Variants in CROT observed in about 807,000 individuals in gnomAD.
CROT encodes carnitine O-octanoyltransferase.
CROT carries 84 observed loss-of-function variants against 89.2 expected under a neutral mutation model. The observed-to-expected ratio is 0.94, with a 90% CI of 0.79 to 1.13. The LOEUF (loss-of-function observed/expected upper bound fraction) is 1.13. Among genes scored for constraint, CROT ranks in the 50% most tolerant of loss-of-function variants. The probability of loss-of-function intolerance (pLI) is 0.00; values close to 1 mark genes in which losing one functional copy is unlikely to be tolerated. For missense variants in CROT, 711 were observed against 727.8 expected (o/e 0.98, Z 0.27); for synonymous variants, 212 against 239.5 (o/e 0.89, Z 1.06).
At chr7:87,369,046 A>G (rs1453986019) in intron 6 of CROT, among the ~76,000 whole-genome samples, 1 of 152,242 alleles carries the variant, frequency 6.6e-6, no homozygotes, top group African/African-American at 2.4e-5. Flanking sequence ...CTGTCCTCCA[A>G]GATTCCACTG....
chr7:87,345,705 C>A lies in CROT; in HGVS notation c.-175C>A. On this transcript the variant is annotated 5_prime_UTR_variant, in exon 1 of 18. Transcript: ENST00000331536. ...CTTTGAGGCCCAAGGGGGAGCGAGCCGGTGCTGCTGCAGGCTGAGGCTGCG... is the reference window on the plus strand; with the variant it reads ...CTTTGAGGCCCAAGGGGGAGCGAGCAGGTGCTGCTGCAGGCTGAGGCTGCG... 2.7e-6 allele frequency: 1 copy of A among 365,126 alleles called. No individual in the cohort carries two copies. The highest frequency in any genetic ancestry group is 4.9e-6 in the Non-Finnish European group (1 of 205,500). The allele number at this position is 365,126 out of a possible 1,614,324, so 22.6% of individuals were successfully genotyped here.
At chr7:87,382,682 CA>C in intron 13 of CROT, 139 bp downstream of exon 13, 9 of 781,294 alleles carry the variant, frequency 1.2e-5, no homozygotes, top group Non-Finnish European at 1.8e-5. Context: ...GTACTTCCAT[CA>C]ATAGAGTATT....
At chr7:87,349,747 G>T (rs1805810406) in intron 3 of CROT, among the ~76,000 whole-genome samples, 1 of 152,094 alleles carries the variant, frequency 6.6e-6, no homozygotes, top group Admixed American at 6.5e-5. Context: ...ATTTAAAATG[G>T]TGTTACTCTG....
In CROT at chr7:87,369,417, C is replaced by T. The variant is rs770540920; in HGVS notation, c.589C>T (p.Arg197Ter). 1.7e-5 allele frequency: 28 copies of T among 1,612,798 alleles called. No homozygotes were observed. Among genetic ancestry groups the T allele is most frequent in the South Asian group, 3.3e-5 (3 of 90,986 alleles). Residue 197 changes from arginine to a stop codon, truncating the protein, a stop_gained, in exon 7 of 18, where the codon CGA becomes TGA. Coordinates refer to ENST00000331536, the MANE Select transcript of CROT (RefSeq NM_021151.4). LOFTEE classifies it high-confidence loss of function. ...RSPNHIVVLC[R>*]GRAFVFDVIH... is the part of the protein sequence containing the mutation. ...CCCAAACCACATTGTAGTGCTGTGT[C>T]GAGGCCGAGCTTTTGTCTTTGATGT...
chr7:87,359,453 C>A, intron 4 of CROT, 123 bp downstream of exon 4: 1 of 1,425,454 alleles, frequency 7.0e-7, no homozygotes, highest in South Asian at 1.6e-5. Context: ...TTTTCATAAT[C>A]CAAAAGAAGG....
At position 87,361,571 on chromosome 7, in the gene CROT, A is replaced by G. The variant is rs933755169; in HGVS notation, c.422A>G (p.Lys141Arg). 1 of 1,587,112 alleles carries G rather than the reference A, an allele frequency of 6.3e-7. No homozygotes were observed. Among genetic ancestry groups the G allele is most frequent in the Admixed American group, 1.9e-5 (1 of 53,168 alleles). Residue 141 changes from lysine to arginine, a missense_variant and splice_region_variant, in exon 5 of 18, where the codon AAA becomes AGA. Physicochemically the swap from Lys to Arg is conservative, Grantham distance 26. Coordinates refer to ENST00000331536, the MANE Select transcript of CROT (RefSeq NM_021151.4). ...TTGAACTACTGGCAGCTATTAAGAAAGTAAGGACACATGTGAATTTAGTGA... is the reference window on the plus strand; with the variant it reads ...TTGAACTACTGGCAGCTATTAAGAAGGTAAGGACACATGTGAATTTAGTGA... ...HNLNYWQLLR[K>R]EKVPVHKVGN... is the part of the protein sequence containing the mutation.
At chr7:87,379,327 C>G (rs1398906895) in intron 10 of CROT, among the ~76,000 whole-genome samples, 2 of 152,170 alleles carry the variant, frequency 1.3e-5, no homozygotes, top group Non-Finnish European at 2.9e-5. Context: ...ATGTAACTTG[C>G]AGCTATACTT....
At chr7:87,349,595 G>C (rs1805807153) in intron 3 of CROT, among the ~76,000 whole-genome samples, 1 of 152,120 alleles carries the variant, frequency 6.6e-6, no homozygotes, top group African/African-American at 2.4e-5. Context: ...TATTGTTATG[G>C]GTATTGAGAC....
intron 10 of CROT, among the ~76,000 whole-genome samples, chr7:87,380,616 A>G (rs948584874): frequency 2.6e-5 from 4 of 152,190 alleles, no homozygotes; most frequent in Admixed American, 2.6e-4. Flanking sequence ...GAAAGGTAAA[A>G]ATTATGTGAA....
Position 87,369,483 on chromosome 7 carries a change from A to T in CROT, c.655A>T (p.Arg219Ter), listed in dbSNP as rs778517148. The T allele has an allele frequency of 2.5e-6, 4 of 1,604,476 alleles. No homozygotes were observed. The highest frequency in any genetic ancestry group is 1.7e-5 in the Admixed American group (1 of 59,210). The change falls in exon 7 of 18, where the codon AGA (arginine) becomes TGA (stop). Residue 219 changes from arginine (R) to a stop codon, truncating the protein, a stop_gained and splice_region_variant. Coordinates refer to ENST00000331536, the MANE Select transcript of CROT (RefSeq NM_021151.4). LOFTEE classifies it high-confidence loss of function. ...TTTGGTCACCCCGCCAGAGCTTCTC[A>T]GGTTTTCAGACTACTTTCTTGAGTT... ...GCLVTPPELL[R>*]QLTYIHKKCH...
At position 87,359,332 on chromosome 7, in the gene CROT, T is replaced by C; in HGVS notation, c.240+2T>C. The C allele has an allele frequency of 6.3e-7, 1 of 1,591,534 alleles. No individual in the cohort carries two copies. Among genetic ancestry groups the C allele is most frequent in the African/African-American group, 1.3e-5 (1 of 74,188 alleles). On this transcript the variant is annotated splice_donor_variant, in intron 4 of 17. Coordinates refer to ENST00000331536, the MANE Select transcript of CROT (RefSeq NM_021151.4). LOFTEE classifies it high-confidence loss of function. ...AGAGCAAAAGGAAAAAGAAATTGGG[T>C]ATTTGTTGTTATAATTGAATAATGA...
At chr7:87,390,266 T>A (rs1275068123) in intron 13 of CROT, among the ~76,000 whole-genome samples, 1 of 152,176 alleles carries the variant, frequency 6.6e-6, no homozygotes, top group Non-Finnish European at 1.5e-5. Context: ...TAAGAGTGTG[T>A]TTACTTGTCA....
intron 6 of CROT, 35 bp downstream of exon 6, chr7:87,361,887 G>T (rs1262458914): frequency 6.5e-7 from 1 of 1,542,772 alleles, no homozygotes; most frequent in African/African-American, 1.4e-5. Flanking sequence ...TTTAGTAAAG[G>T]CACTGGAATT....
chr7:87,366,147 A>C (rs768490380), intron 6 of CROT, among the ~76,000 whole-genome samples: 3 of 152,124 alleles, frequency 2.0e-5, no homozygotes, highest in Non-Finnish European at 4.4e-5. Context: ...CGATCAGCAA[A>C]ATCCATTATA....
chr7:87,390,536 A>C (rs925757618), intron 13 of CROT, among the ~76,000 whole-genome samples: 1 of 152,240 alleles, frequency 6.6e-6, no homozygotes. Context: ...AACACTGAAC[A>C]GAAGAGGCTT....
At chr7:87,360,109 G>A in intron 4 of CROT, 1 of 948,048 alleles carries the variant, frequency 1.1e-6, no homozygotes, top group Non-Finnish European at 1.3e-6. Context: ...AGGGGTAAAG[G>A]TAAAGAAGTT....
At chr7:87,370,656 T>G (rs1806602749) in intron 7 of CROT, among the ~76,000 whole-genome samples, 1 of 152,178 alleles carries the variant, frequency 6.6e-6, no homozygotes, top group Non-Finnish European at 1.5e-5. Context: ...TGCACCCAGG[T>G]CAAAAATTAG....
chr7:87,351,076 A>T (rs1354660770), intron 3 of CROT, among the ~76,000 whole-genome samples: 1 of 152,064 alleles, frequency 6.6e-6, no homozygotes, highest in Non-Finnish European at 1.5e-5. Flanking sequence ...TGGGAGACTG[A>T]GGCAGGTTGA....
intron 13 of CROT, among the ~76,000 whole-genome samples, chr7:87,388,107 G>A (rs923084045): frequency 6.6e-6 from 1 of 152,060 alleles, no homozygotes; most frequent in Non-Finnish European, 1.5e-5. Flanking sequence ...AGAGAAACAG[G>A]CCTGGAGCCA....
Sources: gnomAD v4.1 joint callset for allele counts (sites outside exome capture counted in the v4.1 genomes callset) on GRCh38, gnomAD v4.1.1 for gene constraint, MANE v1.5 for transcripts, NCBI Gene and HGNC (gene_info 2026-07-23, HGNC 2026-07-21) for gene names.